SLC28A3: variants seen among roughly 807,000 people sequenced by gnomAD.
The protein encoded by SLC28A3 is solute carrier family 28 member 3.
In SLC28A3, 68 loss-of-function variants were observed where a neutral mutation model predicts 84.2. The observed-to-expected ratio is 0.81, with a 90% CI of 0.66 to 0.99. The LOEUF (loss-of-function observed/expected upper bound fraction) is 0.99. Ranked by LOEUF, SLC28A3 falls within the 50% of genes least tolerant of loss-of-function variation. The pLI, the probability that SLC28A3 is intolerant of heterozygous loss-of-function variation, is 0.00. For synonymous variants in SLC28A3, 267 were observed against 303.6 expected (o/e 0.88, Z 1.25); for missense variants, 712 against 841.5 (o/e 0.85, Z 1.90).
chr9:84,312,001 C>A (rs1489956797), intron 2 of SLC28A3, among the ~76,000 whole-genome samples: 2 of 152,194 alleles, frequency 1.3e-5, no homozygotes, highest in Non-Finnish European at 2.9e-5. Flanking sequence ...AGATTGGCTT[C>A]TTTTACCCAG....
At chr9:84,288,437 T>C (rs1825084106) in intron 11 of SLC28A3, among the ~76,000 whole-genome samples, 1 of 152,226 alleles carries the variant, frequency 6.6e-6, no homozygotes, top group Admixed American at 6.5e-5. Flanking sequence ...AACCAAAATC[T>C]GATCGTTTCA....
the SLC28A3 span, among the ~76,000 whole-genome samples, chr9:84,360,442 G>A: frequency 1.3e-5 from 2 of 151,966 alleles, no homozygotes; most frequent in Non-Finnish European, 2.9e-5. Context: ...CCCTGGAGAT[G>A]TTTGAGGTTC....
intron 8 of SLC28A3, among the ~76,000 whole-genome samples, chr9:84,295,942 G>A (rs1413515787): frequency 6.6e-6 from 1 of 152,142 alleles, no homozygotes; most frequent in Non-Finnish European, 1.5e-5. Context: ...GCCTTTTATT[G>A]GCTTTAATGG....
chr9:84,339,393 G>A (rs138017226), intron 1 of SLC28A3, among the ~76,000 whole-genome samples: 4,469 of 152,066 alleles, frequency 0.029, 98 homozygotes, highest in Non-Finnish European at 0.048. Flanking sequence ...GGGACTACAG[G>A]CATGTACCAC....
chr9:84,358,585 C>T, the SLC28A3 span, among the ~76,000 whole-genome samples: 2,252 of 152,228 alleles, frequency 0.015, 52 homozygotes, highest in African/African-American at 0.051. Flanking sequence ...ATTGCTATCA[C>T]GTGCATTTAC....
chr9:84,340,184 A>G (rs1006371911), intron 1 of SLC28A3, among the ~76,000 whole-genome samples: 1 of 152,176 alleles, frequency 6.6e-6, no homozygotes, highest in Non-Finnish European at 1.5e-5. Context: ...CAGGGGCTCC[A>G]GGACTTGGCT....
At chr9:84,355,654 A>T in the SLC28A3 span, among the ~76,000 whole-genome samples, 13,080 of 152,028 alleles carry the variant, frequency 0.086, 677 homozygotes, top group East Asian at 0.18. Flanking sequence ...TAGATTGGGA[A>T]CTTGAGCAGT....
At chr9:84,321,777 C>T (rs1253103006) in intron 1 of SLC28A3, among the ~76,000 whole-genome samples, 2 of 148,042 alleles carry the variant, frequency 1.4e-5, no homozygotes, top group African/African-American at 2.5e-5. Flanking sequence ...CACTGCTGGG[C>T]GTGGTGGCTC....
chr9:84,367,082 C>G, the SLC28A3 span, among the ~76,000 whole-genome samples: 2 of 152,148 alleles, frequency 1.3e-5, no homozygotes, highest in African/African-American at 4.8e-5. Context: ...AGCTGGCACT[C>G]AAACCATAAG....
intron 1 of SLC28A3, among the ~76,000 whole-genome samples, chr9:84,314,492 A>G (rs1340465385): frequency 6.6e-6 from 1 of 152,212 alleles, no homozygotes; most frequent in African/African-American, 2.4e-5. Context: ...GTATGACTCT[A>G]ATTTTAACTT....
chr9:84,352,743 A>G, the SLC28A3 span, among the ~76,000 whole-genome samples: 1 of 151,632 alleles, frequency 6.6e-6, no homozygotes, highest in Non-Finnish European at 1.5e-5. Context: ...AAAAGAAAAA[A>G]TTAGTGGGGC....
chr9:84,300,844 G>A (rs1389670070), intron 5 of SLC28A3, among the ~76,000 whole-genome samples: 3 of 152,122 alleles, frequency 2.0e-5, no homozygotes, highest in Non-Finnish European at 4.4e-5. Flanking sequence ...TCCTGGCTTT[G>A]AGGCTGGCAG....
the SLC28A3 span, among the ~76,000 whole-genome samples, chr9:84,368,102 G>A: frequency 2.0e-5 from 3 of 152,246 alleles, no homozygotes; most frequent in East Asian, 1.9e-4. Flanking sequence ...GGAAACCTTG[G>A]ACAATACCCA....
At chr9:84,280,189 C>A in intron 15 of SLC28A3, 116 bp from the exon 16 acceptor site, 3 of 674,340 alleles carry the variant, frequency 4.4e-6, no homozygotes, top group South Asian at 4.1e-5. Flanking sequence ...TTTTTTTTTT[C>A]TTTAACTTAG....
the SLC28A3 span, among the ~76,000 whole-genome samples, chr9:84,348,910 ATT>A: frequency 7.1e-5 from 10 of 140,730 alleles, no homozygotes; most frequent in East Asian, 2.1e-4. Context: ...ATAAACTTGT[ATT>A]TTTTTTTTTT....
At chr9:84,345,981 T>C in the SLC28A3 span, among the ~76,000 whole-genome samples, 1 of 152,204 alleles carries the variant, frequency 6.6e-6, no homozygotes, top group Non-Finnish European at 1.5e-5. Context: ...CTTTTCAGTT[T>C]TACAAGACTA....
chr9:84,288,292 A>T, intron 11 of SLC28A3, 114 bp from the exon 12 acceptor site: 2 of 1,458,170 alleles, frequency 1.4e-6, no homozygotes, highest in Non-Finnish European at 1.9e-6. Context: ...TTTCTATTCC[A>T]GAAGACAATG....
chr9:84,328,125 A>G (rs1438229644), intron 1 of SLC28A3, among the ~76,000 whole-genome samples: 1 of 148,994 alleles, frequency 6.7e-6, no homozygotes, highest in Non-Finnish European at 1.5e-5. Context: ...TATTTAACAC[A>G]AAAGAAGGAA....
chr9:84,335,348 C>G (rs905608675), intron 1 of SLC28A3, among the ~76,000 whole-genome samples: 10 of 152,248 alleles, frequency 6.6e-5, no homozygotes, highest in African/African-American at 2.4e-4. Flanking sequence ...AGAGGCCAGC[C>G]TGGGCAACAT....
Sources: gnomAD v4.1 joint callset for allele counts (sites outside exome capture counted in the v4.1 genomes callset) on GRCh38, gnomAD v4.1.1 for gene constraint, MANE v1.5 for transcripts, NCBI Gene and HGNC (gene_info 2026-07-23, HGNC 2026-07-21) for gene names.